The following GATAD1 variants were observed in gnomAD, a reference collection of about 807,000 sequenced individuals.
GATAD1 encodes GATA zinc finger domain containing 1.
A neutral mutation model predicts 26.5 loss-of-function variants in GATAD1; 12 were observed. The ratio of observed to expected loss-of-function variants is 0.45; its 90% CI spans 0.29 to 0.73. The LOEUF is 0.73. Ranked by LOEUF, GATAD1 falls within the 30% of genes least tolerant of loss-of-function variation. The pLI, the probability that GATAD1 is intolerant of heterozygous loss-of-function variation, is 0.10. For missense variants in GATAD1, 266 were observed against 342.1 expected (o/e 0.78, Z 1.75); for synonymous variants, 129 against 133.1 (o/e 0.97, Z 0.21).
the GATAD1 span, chr7:92,494,047 T>C: frequency 2.2e-6 from 1 of 465,102 alleles, no homozygotes. Context: ...ATTAGGTTTC[T>C]TGCATTTTTT....
chr7:92,450,582 C>A, intron 2 of GATAD1, 119 bp from the exon 3 acceptor site: 1 of 603,236 alleles, frequency 1.7e-6, no homozygotes, highest in Non-Finnish European at 2.9e-6. Flanking sequence ...TATTGCAGTT[C>A]TTGTCACCAA....
the GATAD1 span, chr7:92,489,935 A>C: frequency 6.3e-7 from 1 of 1,587,662 alleles, no homozygotes; most frequent in Non-Finnish European, 8.6e-7. Flanking sequence ...TGTAGTAATG[A>C]AAGATGGAAG....
chr7:92,481,169 T>G, the GATAD1 span, among the ~76,000 whole-genome samples: 1 of 152,158 alleles, frequency 6.6e-6, no homozygotes, highest in East Asian at 1.9e-4. Flanking sequence ...AAACCAAATG[T>G]GATCAACATG....
the GATAD1 span, among the ~76,000 whole-genome samples, chr7:92,475,466 C>G: frequency 4.6e-5 from 7 of 152,180 alleles, no homozygotes; most frequent in African/African-American, 7.2e-5. Context: ...ATGTTGCAGT[C>G]CTGCACCTGT....
chr7:92,463,638 G>A (rs1790000419), downstream of GATAD1, among the ~76,000 whole-genome samples: 1 of 150,832 alleles, frequency 6.6e-6, no homozygotes, highest in African/African-American at 2.4e-5. Context: ...ACTCCAGCCT[G>A]GGCAACAGAG....
chr7:92,489,179 A>T, the GATAD1 span: 1 of 977,056 alleles, frequency 1.0e-6, no homozygotes, highest in Non-Finnish European at 1.6e-6. Flanking sequence ...TTTTTGAATT[A>T]GCTTTTAAAT....
rs138108362 is a variant in GATAD1, at chr7:92,454,708, G to GT, written c.619+32dup. ...TAGGTAAGTTTGACAAATGGCACAG[G>GT]TTTTTTTTTAACTTAGTTAACTCTC... is the stretch of plus-strand genomic sequence containing the variant. On this transcript the variant is annotated intron_variant, in intron 4 of 4. Transcript: ENST00000287957. 0.033 allele frequency: 49,091 copies of GT among 1,495,186 alleles called. 666 individuals are homozygous for GT. Among genetic ancestry groups the GT allele is most frequent in the Middle Eastern group, 0.063 (360 of 5,702 alleles). 92.6% of individuals were successfully genotyped at this position (1,495,186 alleles called of 1,614,324 possible).
chr7:92,448,094 C>A, intron 1 of GATAD1, 116 bp downstream of exon 1: 1 of 710,604 alleles, frequency 1.4e-6, no homozygotes, highest in Non-Finnish European at 1.9e-6. Context: ...CTCCTGCTGG[C>A]TGGAACGCCC....
At chr7:92,468,460 C>T in the GATAD1 span, 2 of 218,790 alleles carry the variant, frequency 9.1e-6, no homozygotes, top group Non-Finnish European at 1.8e-5. Flanking sequence ...AGGGGGTTGC[C>T]GTTGCCGGCT....
At position 92,456,496 on chromosome 7, in the gene GATAD1, C is replaced by T; in HGVS notation, c.744C>T (p.Tyr248=). Residue 248 remains tyrosine (Y), a synonymous_variant, in exon 5 of 5, where the codon TAC becomes TAT. Coordinates refer to ENST00000287957, the MANE Select transcript of GATAD1 (RefSeq NM_021167.5). ...PTVPTRPEKG[Y]IWTHVGPTPA... Reference sequence around the variant, plus strand: ...TTCCCACCAGACCAGAGAAGGGCTACATATGGACTCATGTTGGGCCTACTC... The same window carrying T: ...TTCCCACCAGACCAGAGAAGGGCTATATATGGACTCATGTTGGGCCTACTC... 1.2e-6 allele frequency: 2 copies of T among 1,612,832 alleles called. No individual in the cohort carries two copies. Among genetic ancestry groups the T allele is most frequent in the South Asian group, 2.2e-5 (2 of 91,046 alleles).
intron 2 of GATAD1, chr7:92,449,673 CTTTTTTTT>C (rs768149346): frequency 1.5e-6 from 1 of 667,050 alleles, no homozygotes; most frequent in Non-Finnish European, 1.8e-6. Flanking sequence ...AGACTATTTT[CTTTTTTTT>C]TTTTTAATTT....
chr7:92,494,931 C>A, the GATAD1 span, among the ~76,000 whole-genome samples: 1 of 151,908 alleles, frequency 6.6e-6, no homozygotes, highest in Non-Finnish European at 1.5e-5. Context: ...TTTATTAAGA[C>A]CCATGCCTTC....
the GATAD1 span, among the ~76,000 whole-genome samples, chr7:92,467,173 G>T: frequency 5.9e-5 from 9 of 152,032 alleles, no homozygotes; most frequent in Admixed American, 1.3e-4. Context: ...AAAAAAATTA[G>T]CCAGGCATGG....
chr7:92,492,903 C>T, the GATAD1 span: 1 of 1,396,988 alleles, frequency 7.2e-7, no homozygotes, highest in Non-Finnish European at 1.0e-6. Context: ...TGACATTGTA[C>T]TTCTTTTATC....
At chr7:92,463,263 G>C (rs574809822), downstream of GATAD1, among the ~76,000 whole-genome samples, 1 of 152,088 alleles carries the variant, frequency 6.6e-6, no homozygotes. Context: ...ACAAATTTTC[G>C]GTTTGGAGTG....
the GATAD1 span, among the ~76,000 whole-genome samples, chr7:92,475,682 A>G: frequency 1.3e-5 from 2 of 152,156 alleles, no homozygotes; most frequent in East Asian, 3.9e-4. Flanking sequence ...CTTGACCACA[A>G]AGAAAGGGGT....
Position 92,454,636 on chromosome 7 carries a change from T to A in GATAD1, c.570T>A (p.Pro190=). The A allele has an allele frequency of 6.2e-7, 1 of 1,612,664 alleles. No homozygotes were observed. Among genetic ancestry groups the A allele is most frequent in the South Asian group, 1.1e-5 (1 of 90,654 alleles). ...GTGCAGCACTGACGTGGCTCATTCC[T>A]ACCCTCTCTAGCCCCAGAGACCAAT... is the stretch of plus-strand genomic sequence containing the variant. ...EKSAALTWLI[P]TLSSPRDQFD... The change falls in exon 4 of 5, where the codon CCT becomes CCA. Residue 190 remains proline, a synonymous_variant. Transcript: ENST00000287957.
At chr7:92,492,560 A>G in the GATAD1 span, among the ~76,000 whole-genome samples, 1 of 152,246 alleles carries the variant, frequency 6.6e-6, no homozygotes, top group Non-Finnish European at 1.5e-5. Flanking sequence ...AGGGGCTCCT[A>G]TTGGCCAGAT....
At chr7:92,487,272 T>C in the GATAD1 span, 2 of 397,646 alleles carry the variant, frequency 5.0e-6, no homozygotes, top group Non-Finnish European at 8.9e-6. Context: ...TGTCCCAATT[T>C]ATACTACAGT....
Sources: allele counts gnomAD v4.1 joint callset (sites outside exome capture counted in the v4.1 genomes callset), GRCh38; gene constraint gnomAD v4.1.1; transcripts MANE v1.5; gene names NCBI Gene and HGNC (gene_info 2026-07-23, HGNC 2026-07-21).